Variants in TJAP1 observed in about 807,000 individuals in gnomAD.
The protein encoded by TJAP1 is tight junction associated protein 1.
TJAP1 carries 27 observed loss-of-function variants against 42.0 expected under a neutral mutation model. The ratio of observed to expected loss-of-function variants is 0.64; its 90% CI spans 0.47 to 0.89. The LOEUF is 0.89. TJAP1 is among the 40% of genes least tolerant of loss of function. The probability of loss-of-function intolerance (pLI) is 0.00; values close to 1 mark genes in which losing one functional copy is unlikely to be tolerated. For missense variants in TJAP1, 712 were observed against 726.9 expected, an observed-to-expected ratio of 0.98 and a Z score of 0.24; for synonymous variants, 257 against 288.4, an observed-to-expected ratio of 0.89 and a Z score of 1.10.
In TJAP1 at chr6:43,491,378, C is replaced by A. The variant is rs1042361900; in HGVS notation, c.-121-6503C>A. Among the ~76,000 whole-genome samples the A allele has an allele frequency of 6.6e-6, 1 of 152,106 alleles. No homozygotes were observed. The highest frequency in any genetic ancestry group is 2.4e-5 in the African/African-American group (1 of 41,392). ...CGATCTCGGCTTTCTGCAACCTCCG[C>A]CTCCCAGGTTTAAGCGATTCTCTTA... is the stretch of plus-strand genomic sequence containing the variant. On this transcript the variant is annotated intron_variant, in intron 2 of 10. Coordinates refer to ENST00000372449, the Ensembl canonical transcript of TJAP1. The surrounding 1 kb of genome is among the most constrained non-coding windows in gnomAD (Gnocchi z 4.6).
At position 43,502,560 on chromosome 6, in the gene TJAP1, C is replaced by G. The variant is rs559391145; in HGVS notation, c.358-28C>G. On this transcript the variant is annotated intron_variant, in intron 7 of 10. Coordinates refer to ENST00000372449, the Ensembl canonical transcript of TJAP1. ...TTTCCTCGTCTCCCCCTCATGCTGCCACCGTTGCTGCTGCACTCTCCTCTC... is the reference window on the plus strand; with the variant it reads ...TTTCCTCGTCTCCCCCTCATGCTGCGACCGTTGCTGCTGCACTCTCCTCTC... 6 of 1,551,754 alleles carry G rather than the reference C, an allele frequency of 3.9e-6. No homozygotes were observed. The Admixed American group carries it at 1.2e-4, about 30-fold the overall frequency.
intron 2 of TJAP1, among the ~76,000 whole-genome samples, chr6:43,482,571 C>T (rs1785540143): frequency 6.6e-6 from 1 of 152,308 alleles, no homozygotes. Context: ...CCCTTGAGTG[C>T]CCTTCTTCTG....
At chr6:43,500,981 C>T (rs887598561) in intron 5 of TJAP1, 13 of 599,734 alleles carry the variant, frequency 2.2e-5, no homozygotes, top group Non-Finnish European at 3.8e-5. Context: ...TTCAAGAGAG[C>T]GTAGAATCAG....
In TJAP1 at chr6:43,491,018, G is replaced by A. The variant is rs1486234467; in HGVS notation, c.-121-6863G>A. On this transcript the variant is annotated intron_variant, in intron 2 of 10. Transcript: ENST00000372449. This position sits in a 1 kb window ranked among gnomAD's most constrained non-coding sequence, Gnocchi z 4.6. Reference sequence around the variant, plus strand: ...TCACTCTAGATAGACTGTGGCTTCGGCTTCCGGAGGCAGTGTGGTGCTAGG... The same window carrying A: ...TCACTCTAGATAGACTGTGGCTTCGACTTCCGGAGGCAGTGTGGTGCTAGG... Among the ~76,000 whole-genome samples the A allele has an allele frequency of 3.3e-5, 5 of 152,178 alleles. No homozygotes were observed. Among genetic ancestry groups the A allele is most frequent in the African/African-American group, 1.2e-4 (5 of 41,428 alleles).
chr6:43,502,076 A>ACACACACTCTCTCT lies in TJAP1; in HGVS notation c.291-206_291-205insACACACTCTCTCTC, dbSNP rs767085594. 1.6e-4 allele frequency among the ~76,000 whole-genome samples: 11 copies of ACACACACTCTCTCT among 68,958 alleles called. 1 individual carries two copies. The highest frequency in any genetic ancestry group is 7.6e-4 in the African/African-American group (10 of 13,118). The allele number at this position is 68,958 out of a possible 152,430, so 45.2% of individuals were successfully genotyped here. A position where few individuals can be genotyped will look rare whatever the true frequency, so the allele number is the denominator to read the frequency against. On this transcript the variant is annotated intron_variant, in intron 6 of 10. Transcript: ENST00000372449. Reference sequence around the variant, plus strand: ...CACACACACACACACACACACACACACTCTCTCTCTCTCTCTCTCTCTCTC... The same window carrying ACACACACTCTCTCT: ...CACACACACACACACACACACACACACACACACTCTCTCTCTCTCTCTCTCTCTCTCTCTCTCTC...
intron 1 of TJAP1, among the ~76,000 whole-genome samples, chr6:43,477,830 A>T (rs1009974632): frequency 8.3e-6 from 1 of 120,304 alleles, no homozygotes; most frequent in Non-Finnish European, 1.8e-5. Context: ...GCCCTAGGGG[A>T]GGGGGATTTG....
intron 2 of TJAP1, among the ~76,000 whole-genome samples, chr6:43,494,946 A>G (rs1364496842): frequency 1.3e-5 from 2 of 152,220 alleles, no homozygotes; most frequent in Non-Finnish European, 2.9e-5. Flanking sequence ...CTCAGCATCC[A>G]GAGGCCAGGA....
Position 43,502,580 on chromosome 6 carries a change from C to A in TJAP1, c.358-8C>A, listed in dbSNP as rs1256546870. ...GCTGCCACCGTTGCTGCTGCACTCT[C>A]CTCTCAGGCCTCTCTTAGCCACAGC... On this transcript the variant is annotated splice_polypyrimidine_tract_variant and splice_region_variant and intron_variant, in intron 7 of 10. Coordinates refer to ENST00000372449, the Ensembl canonical transcript of TJAP1. The A allele has an allele frequency of 6.4e-7, 1 of 1,551,724 alleles. No individual in the cohort carries two copies. Among genetic ancestry groups the A allele is most frequent in the East Asian group, 2.4e-5 (1 of 40,920 alleles).
At chr6:43,486,487 C>T (rs1316444247) in intron 2 of TJAP1, among the ~76,000 whole-genome samples, 1 of 151,764 alleles carries the variant, frequency 6.6e-6, no homozygotes, top group African/African-American at 2.4e-5. Flanking sequence ...TCCCGAGTAG[C>T]TGGGACTACA....
At chr6:43,479,297 T>C (rs1268995931) in intron 2 of TJAP1, among the ~76,000 whole-genome samples, 1 of 152,200 alleles carries the variant, frequency 6.6e-6, no homozygotes, top group East Asian at 1.9e-4. Context: ...ATCAAAGGCT[T>C]ACTCCAAACA....
intron 2 of TJAP1, among the ~76,000 whole-genome samples, chr6:43,480,191 C>T (rs1785015413): frequency 6.6e-6 from 1 of 152,180 alleles, no homozygotes; most frequent in African/African-American, 2.4e-5. Flanking sequence ...TTATACTAGT[C>T]AGATCTCAGC....
rs759009982 is a variant in TJAP1 at position 43,505,599 on chromosome 6, C to T, written c.1418C>T (p.Thr473Ile). 2.5e-6 allele frequency: 4 copies of T among 1,613,598 alleles called. No individual in the cohort carries two copies. The highest frequency in any genetic ancestry group is 3.4e-6 in the Non-Finnish European group (4 of 1,180,036). ...GAAGAGAGTGAGCTTTTGCTACCCACAGAACCTGACTCTGGCTTTCCCAGG... is the reference window on the plus strand; with the variant it reads ...GAAGAGAGTGAGCTTTTGCTACCCATAGAACCTGACTCTGGCTTTCCCAGG... The change falls in exon 11 of 11, where the codon ACA (threonine) becomes ATA (isoleucine). Residue 473 changes from threonine (T) to isoleucine (I), a missense_variant. This residue lies in a region of TJAP1 where 549 missense variants were observed against 528.2 expected (regional missense o/e 1.04). Coordinates refer to ENST00000372449, the Ensembl canonical transcript of TJAP1. The surrounding 1 kb of genome is among the most constrained non-coding windows in gnomAD (Gnocchi z 5.5).
intron 5 of TJAP1, chr6:43,501,057 G>A: frequency 2.0e-6 from 1 of 492,984 alleles, no homozygotes; most frequent in Middle Eastern, 5.5e-4. Flanking sequence ...CCTGGCTCCT[G>A]TACCAGCTGC....
intron 2 of TJAP1, among the ~76,000 whole-genome samples, chr6:43,484,318 G>A (rs1785974452): frequency 1.3e-5 from 2 of 152,154 alleles, no homozygotes; most frequent in South Asian, 4.1e-4. Context: ...AATTAGCCGG[G>A]CATGGTGGCA....
intron 2 of TJAP1, among the ~76,000 whole-genome samples, chr6:43,480,597 C>T (rs183963855): frequency 2.4e-4 from 37 of 152,270 alleles, no homozygotes; most frequent in South Asian, 4.1e-4. Context: ...TCACTGCAAC[C>T]GCCGCCTCCC....
chr6:43,501,614 G>A (rs777970729), exon 6 of TJAP1: 2 of 1,612,884 alleles, frequency 1.2e-6, no homozygotes, highest in East Asian at 2.2e-5. Flanking sequence ...GCTGGAAATT[G>A]GGCAGGACTG....
At chr6:43,501,336 G>C (rs1305044577) in intron 5 of TJAP1, 190 bp from the exon 6 acceptor site, 1 of 591,412 alleles carries the variant, frequency 1.7e-6, no homozygotes, top group African/African-American at 1.9e-5. Context: ...TCCAACCCAG[G>C]CTGTGTTCCC....
In TJAP1 at chr6:43,506,204, T is replaced by C. The variant is rs115171506; in HGVS notation, c.*349T>C. 5.5e-3 allele frequency: 1,154 copies of C among 208,432 alleles called. 10 individuals are homozygous for C. The highest frequency in any genetic ancestry group is 0.025 in the African/African-American group (1,088 of 43,760). 12.9% of individuals were successfully genotyped at this position (208,432 alleles called of 1,614,324 possible). On this transcript the variant is annotated 3_prime_UTR_variant, in exon 11 of 11. Transcript: ENST00000372449. The stretch of plus-strand genomic sequence containing the variant: ...TCAGTATTCATCTTCCATCCTTTCA[T>C]AGTCACAAGTTTTGTTATTTTGTTT...
chr6:43,503,268 A>G (rs1791394839), intron 8 of TJAP1, 133 bp from the exon 9 acceptor site: 1 of 666,648 alleles, frequency 1.5e-6, no homozygotes, highest in East Asian at 2.7e-5. Flanking sequence ...TCTGTCCGTC[A>G]TTTGTCTCTG....
Sources: allele counts gnomAD v4.1 joint callset (sites outside exome capture counted in the v4.1 genomes callset), GRCh38; gene constraint gnomAD v4.1.1; regional missense constraint gnomAD v4.1.1; non-coding constraint Gnocchi (gnomAD v3.1); transcripts MANE v1.5; gene names NCBI Gene and HGNC (gene_info 2026-07-23, HGNC 2026-07-21).